AGBL1: variants seen among roughly 807,000 people sequenced by gnomAD.
The protein encoded by AGBL1 is cytosolic carboxypeptidase 4.
In AGBL1, 130 loss-of-function variants were observed where a neutral mutation model predicts 118.9. The observed-to-expected ratio is 1.09, with a 90% CI of 0.95 to 1.26. AGBL1 has a LOEUF of 1.26. Ranked by LOEUF, AGBL1 falls within the 50% of genes most tolerant of loss-of-function variation. The pLI, the probability that AGBL1 is intolerant of heterozygous loss-of-function variation, is 0.00. For missense variants in AGBL1, 1,584 were observed against 1,298.1 expected (o/e 1.22, Z -3.38); for synonymous variants, 555 against 478.9 (o/e 1.16, Z -2.08).
At position 86,735,703 on chromosome 15, in the gene AGBL1, TTTC is replaced by T. The variant is rs937603098; in HGVS notation, c.3158+61268_3158+61270del. On this transcript the variant is annotated intron_variant, in intron 22 of 22. Transcript: ENST00000614907. ...TCTGCATACTGTCTCTCTGGGTCTC[TTTC>T]AAATATCTTATTTTGTCAAATGAAG... is the stretch of plus-strand genomic sequence containing the variant. 7.3e-5 allele frequency among the ~76,000 whole-genome samples: 11 copies of T among 151,218 alleles called. 1 individual carries two copies. Among genetic ancestry groups the T allele is most frequent in the Non-Finnish European group, 1.5e-5 (1 of 67,978 alleles).
At chr15:86,356,356 G>A (rs1487666674) in intron 17 of AGBL1, among the ~76,000 whole-genome samples, 3 of 126,682 alleles carry the variant, frequency 2.4e-5, no homozygotes, top group Non-Finnish European at 5.2e-5. Context: ...GTGTGTGTGT[G>A]CGCGTGCGCC....
chr15:86,759,002 A>G (rs2141267789), intron 22 of AGBL1, among the ~76,000 whole-genome samples: 1 of 151,532 alleles, frequency 6.6e-6, no homozygotes, highest in East Asian at 1.9e-4. Context: ...AAAAGAAAAG[A>G]ATTTAAACTT....
chr15:86,464,147 G>A (rs2082366944), intron 18 of AGBL1, among the ~76,000 whole-genome samples: 1 of 151,946 alleles, frequency 6.6e-6, no homozygotes. Flanking sequence ...CAGAAAGACG[G>A]TCTTCGTGTC....
At chr15:86,274,843 T>C (rs1285602264) in intron 15 of AGBL1, among the ~76,000 whole-genome samples, 5 of 152,126 alleles carry the variant, frequency 3.3e-5, no homozygotes, top group Admixed American at 1.3e-4. Flanking sequence ...ATCTAGATAA[T>C]AATCATTTTA....
chr15:86,536,502 G>C (rs1376202711), intron 19 of AGBL1, among the ~76,000 whole-genome samples: 1 of 152,034 alleles, frequency 6.6e-6, no homozygotes, highest in African/African-American at 2.4e-5. Context: ...GTAGAAACGG[G>C]GTTTCACCAT....
chr15:86,422,742 A>C (rs946424218), intron 18 of AGBL1, among the ~76,000 whole-genome samples: 2 of 152,184 alleles, frequency 1.3e-5, no homozygotes, highest in African/African-American at 2.4e-5. Flanking sequence ...AATAGACATA[A>C]TAAAAAATGA....
intron 18 of AGBL1, among the ~76,000 whole-genome samples, chr15:86,422,734 T>C (rs2081809375): frequency 1.3e-5 from 2 of 151,744 alleles, no homozygotes; most frequent in Admixed American, 6.6e-5. Context: ...AAGAATCAAA[T>C]AGACATAATA....
intron 12 of AGBL1, 65 bp from the exon 13 acceptor site, chr15:86,266,925 T>A: frequency 6.3e-6 from 8 of 1,260,560 alleles, no homozygotes; most frequent in Non-Finnish European, 7.9e-6. Flanking sequence ...AAAAAAAGAA[T>A]CATCACACTG....
chr15:86,984,846 T>C (rs2081265825), intron 23 of AGBL1, among the ~76,000 whole-genome samples: 1 of 152,188 alleles, frequency 6.6e-6, no homozygotes, highest in Non-Finnish European at 1.5e-5. Flanking sequence ...CACATACACT[T>C]GTTAAACCAC....
At chr15:86,690,973 A>G (rs1476321218) in intron 22 of AGBL1, among the ~76,000 whole-genome samples, 1 of 152,036 alleles carries the variant, frequency 6.6e-6, no homozygotes, top group African/African-American at 2.4e-5. Context: ...CTATTGATGT[A>G]TTTTTCTTTT....
intron 22 of AGBL1, among the ~76,000 whole-genome samples, chr15:86,781,461 TC>T (rs35492368): frequency 0.25 from 37,618 of 152,010 alleles, 4,615 homozygotes; most frequent in South Asian, 0.3. Context: ...GGCAATGTAT[TC>T]TGAGTGCATG....
intron 18 of AGBL1, among the ~76,000 whole-genome samples, chr15:86,481,971 T>C (rs2082658133): frequency 1.3e-5 from 2 of 152,102 alleles, no homozygotes; most frequent in South Asian, 4.1e-4. Flanking sequence ...AGGTTAAACA[T>C]TGAACAGAAA....
chr15:86,362,278 AT>A (rs761834779), intron 17 of AGBL1, among the ~76,000 whole-genome samples: 13 of 152,178 alleles, frequency 8.5e-5, no homozygotes, highest in Non-Finnish European at 1.6e-4. Context: ...ATATCTAGTT[AT>A]TTTTAATACT....
intron 22 of AGBL1, among the ~76,000 whole-genome samples, chr15:86,817,889 G>A (rs771300105): frequency 6.6e-6 from 1 of 152,164 alleles, no homozygotes; most frequent in Non-Finnish European, 1.5e-5. Flanking sequence ...ATCCTTAGAA[G>A]AGAAGAGACA....
intron 22 of AGBL1, among the ~76,000 whole-genome samples, chr15:86,797,486 T>A (rs963397641): frequency 6.6e-6 from 1 of 152,192 alleles, no homozygotes; most frequent in Non-Finnish European, 1.5e-5. Context: ...TTCAACCTGC[T>A]CACTCTGAGA....
chr15:86,285,622 C>T (rs555897187), intron 16 of AGBL1, among the ~76,000 whole-genome samples: 1 of 152,288 alleles, frequency 6.6e-6, no homozygotes, highest in African/African-American at 2.4e-5. Context: ...GATTAAACCT[C>T]TTTCCTTTAC....
chr15:86,085,685 C>A lies in AGBL1; in HGVS notation c.51+5662C>A, dbSNP rs147742038. 7.0e-3 allele frequency among the ~76,000 whole-genome samples: 1,066 copies of A among 152,306 alleles called. 13 individuals carry two copies. Among genetic ancestry groups the A allele is most frequent in the African/African-American group, 0.023 (940 of 41,564 alleles). On this transcript the variant is annotated intron_variant, in intron 1 of 22. Transcript: ENST00000614907. ...ACCTCATCCTAGTATCTCAGCTCAT[C>A]CTGAGCCTCTCTCTAACCCTAGGAG...
intron 22 of AGBL1, among the ~76,000 whole-genome samples, chr15:86,751,234 C>T (rs943334192): frequency 3.3e-5 from 5 of 152,080 alleles, no homozygotes; most frequent in African/African-American, 9.7e-5. Context: ...AATTTACAGT[C>T]CTACCAACAG....
At chr15:86,985,037 G>T (rs1410091955) in intron 23 of AGBL1, among the ~76,000 whole-genome samples, 1 of 152,124 alleles carries the variant, frequency 6.6e-6, no homozygotes, top group African/African-American at 2.4e-5. Context: ...ATTCATTCAT[G>T]GAGATCCATC....
Sources: gnomAD v4.1 joint callset for allele counts (sites outside exome capture counted in the v4.1 genomes callset) on GRCh38, gnomAD v4.1.1 for gene constraint, MANE v1.5 for transcripts, NCBI Gene and HGNC (gene_info 2026-07-23, HGNC 2026-07-21) for gene names.